The following ZBTB8B variants were observed in gnomAD, a reference collection of about 807,000 sequenced individuals.
The protein encoded by ZBTB8B is zinc finger and BTB domain containing 8B.
Under a neutral mutation model 30.3 loss-of-function variants are expected in ZBTB8B, and 17 were observed. The observed-to-expected ratio is 0.56, with a 90% CI of 0.38 to 0.84. The LOEUF (loss-of-function observed/expected upper bound fraction) is 0.84. Ranked by LOEUF, ZBTB8B falls within the 40% of genes least tolerant of loss-of-function variation. The pLI, the probability that ZBTB8B is intolerant of heterozygous loss-of-function variation, is 0.00. For synonymous variants in ZBTB8B, 248 were observed against 255.6 expected (o/e 0.97, Z 0.28); for missense variants, 515 against 644.9 (o/e 0.80, Z 2.18).
rs917865954 is a variant in ZBTB8B, at chr1:32,494,183, C to CAAAAAAAAAAAAA, written c.*8777_*8789dup. The stretch of plus-strand genomic sequence containing the variant: ...GGGCAACGAGAGCAAAACTCCATCT[C>CAAAAAAAAAAAAA]AAAAAAAAAAAAAAAAAAAAAAAAG... On this transcript the variant is annotated 3_prime_UTR_variant, in exon 4 of 4. Coordinates refer to ENST00000609129, the MANE Select transcript of ZBTB8B (RefSeq NM_001145720.2). The CAAAAAAAAAAAAA allele has an allele frequency of 4.2e-5, 2 of 48,004 alleles. No homozygotes were observed. The highest frequency in any genetic ancestry group is 2.4e-4 in the Admixed American group (1 of 4,244). 3.0% of individuals were successfully genotyped at this position (48,004 alleles called of 1,614,324 possible).
At position 32,484,188 on chromosome 1, in the gene ZBTB8B, AC is replaced by A. The variant is rs1352183897; in HGVS notation, c.1171-912del. Reference sequence around the variant, plus strand: ...ATGTCACTGCACTCCAGCCTGGGTGACAGAGAAAGACCCTGTCTCTGGAAAA... The same window carrying A: ...ATGTCACTGCACTCCAGCCTGGGTGAAGAGAAAGACCCTGTCTCTGGAAAA... On this transcript the variant is annotated intron_variant, in intron 3 of 3. Transcript: ENST00000609129. The surrounding 1 kb of genome is among the most constrained non-coding windows in gnomAD (Gnocchi z 4.5). 2.6e-5 allele frequency among the ~76,000 whole-genome samples: 4 copies of A among 151,412 alleles called. No individual in the cohort carries two copies. Among genetic ancestry groups the A allele is most frequent in the Admixed American group, 2.6e-4 (4 of 15,172 alleles).
chr1:32,467,558 G>A (rs1235900351), intron 1 of ZBTB8B, among the ~76,000 whole-genome samples: 3 of 152,004 alleles, frequency 2.0e-5, no homozygotes, highest in Non-Finnish European at 4.4e-5. Context: ...CCGGCCCCAA[G>A]TGGATTTTAA....
intron 2 of ZBTB8B, among the ~76,000 whole-genome samples, chr1:32,472,677 G>A (rs1045300092): frequency 6.6e-6 from 1 of 151,650 alleles, no homozygotes; most frequent in African/African-American, 2.4e-5. Flanking sequence ...GCAACGGTGT[G>A]ATCTCGGCTC....
chr1:32,469,115 G>T (rs986016882), intron 1 of ZBTB8B, among the ~76,000 whole-genome samples: 2 of 151,986 alleles, frequency 1.3e-5, no homozygotes, highest in African/African-American at 4.8e-5. Context: ...AGGGTTGCTT[G>T]AGCCCAGGAG....
chr1:32,470,120 C>G (rs1456939174), intron 1 of ZBTB8B, among the ~76,000 whole-genome samples: 1 of 152,194 alleles, frequency 6.6e-6, no homozygotes, highest in Non-Finnish European at 1.5e-5. Context: ...AATCTGCCTG[C>G]CTTGTCCTCC....
In ZBTB8B at chr1:32,471,045, G is replaced by C; in HGVS notation, c.421G>C (p.Ala141Pro). ...EAAVAAAVAA[A>P]AAAAAAAAAA... is the part of the protein sequence containing the mutation. ...TGCTGTGGCTGCAGCAGTGGCGGCG[G>C]CAGCGGCGGCGGCTGCAGCGGCGGC... The change falls in exon 2 of 4, where the codon GCA (alanine) becomes CCA (proline). Residue 141 changes from alanine to proline, a missense_variant. Coordinates refer to ENST00000609129, the MANE Select transcript of ZBTB8B (RefSeq NM_001145720.2). 1 of 1,550,040 alleles carries C rather than the reference G, an allele frequency of 6.5e-7. No individual in the cohort carries two copies. The highest frequency in any genetic ancestry group is 8.7e-7 in the Non-Finnish European group (1 of 1,146,276).
At chr1:32,471,712 C>CACCAGT in intron 2 of ZBTB8B, 97 bp downstream of exon 2, 1 of 1,325,440 alleles carries the variant, frequency 7.5e-7, no homozygotes, top group Admixed American at 2.5e-5. Context: ...TCACCATCAT[C>CACCAGT]ATTGTCACTA....
At position 32,465,413 on chromosome 1, in the gene ZBTB8B, G is replaced by A. The variant is rs115260589; in HGVS notation, c.-42+308G>A. ...AATGGTGCCCAGGCGTGGGGGGCTC[G>A]GCCACACTGGAGAAGTGCCAGCGGC... is the stretch of plus-strand genomic sequence containing the variant. On this transcript the variant is annotated intron_variant, in intron 1 of 3. Transcript: ENST00000609129. The surrounding 1 kb of genome is among the most constrained non-coding windows in gnomAD (Gnocchi z 4.1). Among the ~76,000 whole-genome samples, 1,833 of 152,342 alleles carry A rather than the reference G, an allele frequency of 0.012. 39 individuals carry two copies. Among genetic ancestry groups the A allele is most frequent in the African/African-American group, 0.041 (1,715 of 41,584 alleles).
rs1459685328 is a variant in ZBTB8B at position 32,489,174 on chromosome 1, G to T, written c.*3756G>T. On this transcript the variant is annotated 3_prime_UTR_variant, in exon 4 of 4. Coordinates refer to ENST00000609129, the MANE Select transcript of ZBTB8B (RefSeq NM_001145720.2). Reference sequence around the variant, plus strand: ...GTGGATTAGTAAAATGAAGCGCTGAGGCCAGATGGTTCATAGCTTGCCCAA... The same window carrying T: ...GTGGATTAGTAAAATGAAGCGCTGATGCCAGATGGTTCATAGCTTGCCCAA... 6.6e-6 allele frequency: 1 copy of T among 152,142 alleles called. No individual in the cohort carries two copies. Among genetic ancestry groups the T allele is most frequent in the Non-Finnish European group, 1.5e-5 (1 of 68,036 alleles). The allele number at this position is 152,142 out of a possible 1,614,324, so 9.4% of individuals were successfully genotyped here.
Position 32,483,244 on chromosome 1 carries a change from C to CAAAA in ZBTB8B, c.1171-1829_1171-1826dup, listed in dbSNP as rs59559091. ...CGAAACCCCTTATCTACTAAAAATC[C>CAAAA]AAAAAAAAAAAAAAAAAAAAAAAAA... On this transcript the variant is annotated intron_variant, in intron 3 of 3. Coordinates refer to ENST00000609129, the MANE Select transcript of ZBTB8B (RefSeq NM_001145720.2). Among the ~76,000 whole-genome samples the CAAAA allele has an allele frequency of 3.1e-3, 175 of 56,366 alleles. 37 individuals carry two copies. The highest frequency in any genetic ancestry group is 5.0e-3 in the East Asian group (7 of 1,396). 37.0% of individuals were successfully genotyped at this position (56,366 alleles called of 152,430 possible).
chr1:32,474,363 A>G (rs1643646388), intron 2 of ZBTB8B, among the ~76,000 whole-genome samples: 1 of 141,562 alleles, frequency 7.1e-6, no homozygotes, highest in African/African-American at 2.7e-5. Flanking sequence ...AAAAAAAAAA[A>G]AAAAAAAAAA....
At chr1:32,470,243 G>A (rs1363003505) in intron 1 of ZBTB8B, among the ~76,000 whole-genome samples, 4 of 152,112 alleles carry the variant, frequency 2.6e-5, no homozygotes, top group African/African-American at 9.7e-5. Context: ...GCTCACGCCT[G>A]TAATCCCAGC....
chr1:32,471,279 A>C lies in ZBTB8B; in HGVS notation c.655A>C (p.Asn219His). Reference sequence around the variant, plus strand: ...CCTTGGCGGTGGCTCGGCTGACAGCAACCTCTCTACTCCACCCAAACGGAT... The same window carrying C: ...CCTTGGCGGTGGCTCGGCTGACAGCCACCTCTCTACTCCACCCAAACGGAT... ...DSLGGGSADS[N>H]LSTPPKRIEP... is the part of the protein sequence containing the mutation. Residue 219 changes from asparagine (N) to histidine (H), a missense_variant, in exon 2 of 4, where the codon AAC becomes CAC. Physicochemically the swap from Asn to His is moderately conservative, Grantham distance 68 (BLOSUM62 1). Transcript: ENST00000609129. 1 of 1,551,766 alleles carries C rather than the reference A, an allele frequency of 6.4e-7. No homozygotes were observed. The highest frequency in any genetic ancestry group is 8.7e-7 in the Non-Finnish European group (1 of 1,146,986).
chr1:32,492,613 C>G lies in ZBTB8B; in HGVS notation c.*7195C>G, dbSNP rs1395533877. 1 of 152,238 alleles carries G rather than the reference C, an allele frequency of 6.6e-6. No individual in the cohort carries two copies. The highest frequency in any genetic ancestry group is 1.5e-5 in the Non-Finnish European group (1 of 68,136). The allele number at this position is 152,238 out of a possible 1,614,324, so 9.4% of individuals were successfully genotyped here. The stretch of plus-strand genomic sequence containing the variant: ...GTCCGGCCTGCTCTTGGAAACCGTG[C>G]CTCTTATTCCTGTGTCATGTGGTGC... On this transcript the variant is annotated 3_prime_UTR_variant, in exon 4 of 4. Transcript: ENST00000609129.
intron 2 of ZBTB8B, among the ~76,000 whole-genome samples, chr1:32,473,918 T>C (rs1376997508): frequency 1.3e-5 from 2 of 151,976 alleles, no homozygotes; most frequent in African/African-American, 2.4e-5. Context: ...TGGTGCGATC[T>C]CAGCTCACTG....
In ZBTB8B at chr1:32,476,093, C is replaced by T. The variant is rs571251261; in HGVS notation, c.991+4478C>T. Among the ~76,000 whole-genome samples, 11 of 152,022 alleles carry T rather than the reference C, an allele frequency of 7.2e-5. No homozygotes were observed. The South Asian group carries it at 1.0e-3, about 14-fold the overall frequency. On this transcript the variant is annotated intron_variant, in intron 2 of 3. Transcript: ENST00000609129. ...TCAGCCTCCTAAAGTGCTGGGATTA[C>T]AGGTGTGAGCTGCTGTGCCTGGCCA...
At chr1:32,467,262 A>G (rs192963909) in intron 1 of ZBTB8B, among the ~76,000 whole-genome samples, 1,736 of 122,354 alleles carry the variant, frequency 0.014, 41 homozygotes, top group African/African-American at 0.047. Flanking sequence ...TTTTTTTTTG[A>G]GATGGAGTCT....
chr1:32,491,220 T>C lies in ZBTB8B; in HGVS notation c.*5802T>C, dbSNP rs115879775. On this transcript the variant is annotated 3_prime_UTR_variant, in exon 4 of 4. Coordinates refer to ENST00000609129, the MANE Select transcript of ZBTB8B (RefSeq NM_001145720.2). ...ACAGGTCTTGGTGACATGTAATGGA[T>C]ATGGATTATCTGTCATGCATACAGT... is the stretch of plus-strand genomic sequence containing the variant. 6.6e-6 allele frequency: 1 copy of C among 152,340 alleles called. No homozygotes were observed. The highest frequency in any genetic ancestry group is 2.4e-5 in the African/African-American group (1 of 41,584). The allele number at this position is 152,340 out of a possible 1,614,324, so 9.4% of individuals were successfully genotyped here.
chr1:32,484,974 A>C lies in ZBTB8B; in HGVS notation c.1171-127A>C, dbSNP rs962270014. On this transcript the variant is annotated intron_variant, in intron 3 of 3. Transcript: ENST00000609129. This position sits in a 1 kb window ranked among gnomAD's most constrained non-coding sequence, Gnocchi z 4.5. ...AACAGACTAATACAAAGACTGTGGC[A>C]GAGAATGCAGGTGGAGTGCTGAAAA... The C allele has an allele frequency of 6.3e-6, 5 of 791,610 alleles. No individual in the cohort carries two copies. Among genetic ancestry groups the C allele is most frequent in the Non-Finnish European group, 1.0e-5 (5 of 490,490 alleles). The allele number at this position is 791,610 out of a possible 1,614,324, so 49.0% of individuals were successfully genotyped here.
Sources: allele counts gnomAD v4.1 joint callset (sites outside exome capture counted in the v4.1 genomes callset), GRCh38; gene constraint gnomAD v4.1.1; non-coding constraint Gnocchi (gnomAD v3.1); transcripts MANE v1.5; gene names NCBI Gene and HGNC (gene_info 2026-07-23, HGNC 2026-07-21).